Variants in AGTPBP1 observed in about 807,000 individuals in gnomAD.
AGTPBP1 encodes the protein cytosolic carboxypeptidase 1.
AGTPBP1 carries 70 observed loss-of-function variants against 143.9 expected under a neutral mutation model. The ratio of observed to expected loss-of-function variants is 0.49; its 90% CI spans 0.40 to 0.59. The LOEUF (loss-of-function observed/expected upper bound fraction) is 0.59. Ranked by LOEUF, AGTPBP1 falls within the 20% of genes least tolerant of loss-of-function variation. The pLI is 0.00. For synonymous variants in AGTPBP1, 463 were observed against 500.2 expected, an observed-to-expected ratio of 0.93 and a Z score of 0.99; for missense variants, 1,229 against 1,464.5, an observed-to-expected ratio of 0.84 and a Z score of 2.62.
chr9:85,591,381 G>T (rs1016367302), intron 19 of AGTPBP1, among the ~76,000 whole-genome samples: 6 of 152,030 alleles, frequency 3.9e-5, no homozygotes, highest in Admixed American at 1.3e-4. Flanking sequence ...GAGCAAAGGG[G>T]TCAAAACTGA....
At chr9:85,771,818 A>AT in the AGTPBP1 span, among the ~76,000 whole-genome samples, 23 of 150,746 alleles carry the variant, frequency 1.5e-4, no homozygotes, top group African/African-American at 5.4e-4. Context: ...CGCCTGGCTA[A>AT]TTTTTTTTGT....
chr9:85,624,218 A>T (rs1009287260), intron 14 of AGTPBP1, among the ~76,000 whole-genome samples: 12 of 152,186 alleles, frequency 7.9e-5, no homozygotes, highest in Admixed American at 3.3e-4. Context: ...GCTAGAAAGA[A>T]GATTCAAGAT....
At chr9:85,775,456 G>C in the AGTPBP1 span, among the ~76,000 whole-genome samples, 1 of 150,434 alleles carries the variant, frequency 6.6e-6, no homozygotes, top group Non-Finnish European at 1.5e-5. Flanking sequence ...GGGCAGCATA[G>C]TGGGACCCCA....
At chr9:85,611,927 A>T (rs916826987) in intron 17 of AGTPBP1, among the ~76,000 whole-genome samples, 1 of 152,052 alleles carries the variant, frequency 6.6e-6, no homozygotes, top group Non-Finnish European at 1.5e-5. Flanking sequence ...TGATCTACCC[A>T]CCTCAGCCTC....
the AGTPBP1 span, among the ~76,000 whole-genome samples, chr9:85,790,366 T>C: frequency 6.6e-6 from 1 of 152,198 alleles, no homozygotes; most frequent in Non-Finnish European, 1.5e-5. Context: ...GTTTTTAAAT[T>C]ATCTGTAAAC....
At chr9:85,647,723 G>A (rs531539475) in intron 11 of AGTPBP1, among the ~76,000 whole-genome samples, 9 of 152,310 alleles carry the variant, frequency 5.9e-5, no homozygotes, top group African/African-American at 1.9e-4. Context: ...AGATTTCTAT[G>A]TGAATGTAAT....
chr9:85,631,394 CCT>C, intron 14 of AGTPBP1, among the ~76,000 whole-genome samples: 1 of 152,334 alleles, frequency 6.6e-6, no homozygotes, highest in African/African-American at 2.4e-5. Context: ...CCAACCATTC[CCT>C]GAGTTAGAGC....
At chr9:85,721,927 T>C (rs986917926) in intron 1 of AGTPBP1, among the ~76,000 whole-genome samples, 4 of 152,340 alleles carry the variant, frequency 2.6e-5, no homozygotes, top group South Asian at 4.1e-4. Flanking sequence ...CCTTCACTTA[T>C]AAAGCTTAGT....
At chr9:85,675,613 G>GCA (rs1176537880) in intron 6 of AGTPBP1, among the ~76,000 whole-genome samples, 3 of 152,142 alleles carry the variant, frequency 2.0e-5, no homozygotes, top group East Asian at 1.9e-4. Flanking sequence ...ACTTGAGAGG[G>GCA]CACACACACA....
chr9:85,673,597 T>C (rs1053807227), intron 6 of AGTPBP1, among the ~76,000 whole-genome samples: 1 of 152,036 alleles, frequency 6.6e-6, no homozygotes, highest in Non-Finnish European at 1.5e-5. Flanking sequence ...TAAAAAAAAT[T>C]TTAAATAAGA....
intron 1 of AGTPBP1, among the ~76,000 whole-genome samples, chr9:85,735,021 C>T (rs1009839770): frequency 2.0e-5 from 3 of 151,926 alleles, no homozygotes; most frequent in East Asian, 1.9e-4. Flanking sequence ...GGCAACACAG[C>T]GAGACTCCAT....
the AGTPBP1 span, among the ~76,000 whole-genome samples, chr9:85,767,472 C>T: frequency 2.2e-4 from 34 of 152,034 alleles, no homozygotes; most frequent in East Asian, 6.2e-3. Context: ...CTCAGCCACT[C>T]GAGTAGCTGG....
rs1564035967 is a variant in AGTPBP1, at chr9:85,588,449, G to A, written c.2752C>T (p.Arg918Trp). 1.2e-6 allele frequency: 2 copies of A among 1,611,296 alleles called. No individual in the cohort carries two copies. Among genetic ancestry groups the A allele is most frequent in the Non-Finnish European group, 1.7e-6 (2 of 1,178,932 alleles). Residue 918 changes from arginine to tryptophan, a missense_variant, in exon 21 of 26, where the codon CGG becomes TGG. Around this residue, in one of 2 missense-constraint regions of AGTPBP1, gnomAD observed 486 missense variants for 652.3 expected, o/e 0.75. Coordinates refer to ENST00000357081, the MANE Select transcript of AGTPBP1 (RefSeq NM_001330701.2). Reference protein sequence around the residue: ...RNRPYVFLSARVHPGETNASW... With the variant: ...RNRPYVFLSAWVHPGETNASW... Reference sequence around the variant, plus strand: ...GCATTAGTTTCTCCAGGATGTACCCGAGCAGACAAGAAAACGTAAGGGCGA... The same window carrying A: ...GCATTAGTTTCTCCAGGATGTACCCAAGCAGACAAGAAAACGTAAGGGCGA...
intron 13 of AGTPBP1, among the ~76,000 whole-genome samples, chr9:85,633,803 G>C (rs1157009932): frequency 6.6e-6 from 1 of 151,734 alleles, no homozygotes; most frequent in Non-Finnish European, 1.5e-5. Flanking sequence ...TTGTATAGGG[G>C]TAGAAAAGAG....
chr9:85,636,500 C>A (rs1325049493), intron 13 of AGTPBP1, among the ~76,000 whole-genome samples: 1 of 151,838 alleles, frequency 6.6e-6, no homozygotes. Context: ...CTTTGTGATC[C>A]CCCCTCTTGG....
At chr9:85,598,103 A>C (rs528799208) in intron 17 of AGTPBP1, among the ~76,000 whole-genome samples, 3 of 152,266 alleles carry the variant, frequency 2.0e-5, no homozygotes, top group African/African-American at 7.2e-5. Flanking sequence ...ATTTTTAAAA[A>C]TTTCCCTTCA....
intron 14 of AGTPBP1, among the ~76,000 whole-genome samples, chr9:85,621,727 T>C (rs928963784): frequency 5.3e-5 from 8 of 152,168 alleles, no homozygotes; most frequent in African/African-American, 1.4e-4. Context: ...TAAAATGCAA[T>C]TGGCAGTCAG....
chr9:85,793,638 C>T, the AGTPBP1 span, among the ~76,000 whole-genome samples: 1 of 152,134 alleles, frequency 6.6e-6, no homozygotes, highest in African/African-American at 2.4e-5. Flanking sequence ...AGAATACTAA[C>T]ATAGTTTTCC....
At chr9:85,775,537 A>T in the AGTPBP1 span, among the ~76,000 whole-genome samples, 5 of 147,348 alleles carry the variant, frequency 3.4e-5, no homozygotes, top group Non-Finnish European at 7.4e-5. Context: ...ATATATATAG[A>T]TATATAAAAT....
Sources: gnomAD v4.1 joint callset for allele counts (sites outside exome capture counted in the v4.1 genomes callset) on GRCh38, gnomAD v4.1.1 for gene constraint, gnomAD v4.1.1 regional missense constraint, MANE v1.5 for transcripts, NCBI Gene and HGNC (gene_info 2026-07-23, HGNC 2026-07-21) for gene names.